The following GIPC1 variants were observed in gnomAD, a reference collection of about 807,000 sequenced individuals.
GIPC1 encodes the protein PDZ domain-containing protein GIPC1.
A neutral mutation model predicts 28.5 loss-of-function variants in GIPC1; 15 were observed. The observed-to-expected ratio is 0.53, with a 90% confidence interval of 0.35 to 0.81. The LOEUF is 0.81. GIPC1 is among the 30% of genes least tolerant of loss of function. GIPC1 has a pLI of 0.01. For missense variants in GIPC1, 439 were observed against 481.9 expected (o/e 0.91, Z 0.83); for synonymous variants, 224 against 206.1 (o/e 1.09, Z -0.74).
rs1228418663 is a variant in GIPC1, at chr19:14,482,754, C to A, written c.223G>T (p.Gly75Cys). The A allele has an allele frequency of 1.2e-6, 2 of 1,611,476 alleles. No homozygotes were observed. Among genetic ancestry groups the A allele is most frequent in the Non-Finnish European group, 1.7e-6 (2 of 1,179,868 alleles). Reference protein sequence around the residue: ...AHGSPTGRIEGFTNVKELYGK... With the variant: ...AHGSPTGRIECFTNVKELYGK... ...TACAGCTCCTTGACGTTGGTGAAGC[C>A]CTCGATGCGGCCAGTGGGACTGCCA... Residue 75 changes from glycine to cysteine, a missense_variant, in exon 4 of 9, where the codon GGC becomes TGC. Coordinates refer to ENST00000393033, the MANE Select transcript of GIPC1 (RefSeq NM_005716.4).
At chr19:14,493,952 C>T (rs1329852894) in intron 1 of GIPC1, among the ~76,000 whole-genome samples, 3 of 150,730 alleles carry the variant, frequency 2.0e-5, no homozygotes, top group Non-Finnish European at 4.4e-5. Context: ...TAAGCCACCA[C>T]GCCTGGCCTA....
chr19:14,493,894 C>T (rs2072022020), intron 1 of GIPC1, among the ~76,000 whole-genome samples: 1 of 151,884 alleles, frequency 6.6e-6, no homozygotes, highest in African/African-American at 2.4e-5. Flanking sequence ...CTCCTGACCT[C>T]AGGTGATCTG....
chr19:14,479,769 G>C, intron 6 of GIPC1: 1 of 423,528 alleles, frequency 2.4e-6, no homozygotes, highest in Non-Finnish European at 4.2e-6. Flanking sequence ...GGGGAGACTG[G>C]AGGGGCCACT....
At chr19:14,483,272 A>T in intron 3 of GIPC1, 1 of 352,172 alleles carries the variant, frequency 2.8e-6, no homozygotes, top group Non-Finnish European at 5.2e-6. Flanking sequence ...CTTGGCCAAC[A>T]TGGTGAAACC....
At chr19:14,495,499 C>T (rs2072057026) in intron 1 of GIPC1, among the ~76,000 whole-genome samples, 1 of 152,074 alleles carries the variant, frequency 6.6e-6, no homozygotes, top group Non-Finnish European at 1.5e-5. Flanking sequence ...GGGTAGGCTG[C>T]CTCACCTTTT....
At chr19:14,481,349 TCCC>T (rs1361801471) in intron 4 of GIPC1, among the ~76,000 whole-genome samples, 2 of 151,966 alleles carry the variant, frequency 1.3e-5, no homozygotes, top group African/African-American at 2.4e-5. Flanking sequence ...GCTCCAGTGA[TCCC>T]CCCATCTCAA....
chr19:14,479,896 T>C, intron 6 of GIPC1: 1 of 393,534 alleles, frequency 2.5e-6, no homozygotes, highest in Non-Finnish European at 4.6e-6. Context: ...AGACCAGCCC[T>C]ACCTGCCCAG....
chr19:14,488,874 T>G (rs2071902884), intron 3 of GIPC1, among the ~76,000 whole-genome samples: 2 of 134,902 alleles, frequency 1.5e-5, no homozygotes, highest in Non-Finnish European at 1.6e-5. Flanking sequence ...GAACAGTGAG[T>G]GAAGGGGGGA....
At chr19:14,484,296 G>A (rs56017458) in intron 3 of GIPC1, among the ~76,000 whole-genome samples, 3 of 151,610 alleles carry the variant, frequency 2.0e-5, no homozygotes, top group South Asian at 2.1e-4. Flanking sequence ...CCACCACACC[G>A]GGGTAATTTC....
intron 6 of GIPC1, 153 bp downstream of exon 6, chr19:14,480,152 T>G: frequency 1.5e-6 from 1 of 652,652 alleles, no homozygotes; most frequent in East Asian, 2.7e-5. Flanking sequence ...GCACCCCGTC[T>G]GGGGTCGGGA....
chr19:14,490,506 C>T (rs2071946401), intron 3 of GIPC1, among the ~76,000 whole-genome samples: 1 of 150,614 alleles, frequency 6.6e-6, no homozygotes, highest in African/African-American at 2.5e-5. Context: ...GGAGAAACCC[C>T]ATCTCTACTA....
At chr19:14,479,060 G>A (rs2071665285) in intron 7 of GIPC1, among the ~76,000 whole-genome samples, 1 of 152,084 alleles carries the variant, frequency 6.6e-6, no homozygotes, top group Non-Finnish European at 1.5e-5. Context: ...AAAAGGAAGG[G>A]AGGGCTGGGC....
intron 3 of GIPC1, among the ~76,000 whole-genome samples, chr19:14,488,065 A>G (rs979169855): frequency 1.3e-5 from 2 of 152,164 alleles, no homozygotes; most frequent in Non-Finnish European, 1.5e-5. Flanking sequence ...GAGCACGTGA[A>G]GCTGAACTTG....
At chr19:14,489,537 T>C (rs771635796) in intron 3 of GIPC1, 11 of 904,168 alleles carry the variant, frequency 1.2e-5, no homozygotes, top group Middle Eastern at 3.3e-4. Context: ...AGATGGCGAC[T>C]AGTGGACAAC....
At position 14,478,503 on chromosome 19, in the gene GIPC1, G is replaced by C. The variant is rs767735611; in HGVS notation, c.915C>G (p.Asp305Glu). Residue 305 changes from aspartate to glutamate, a missense_variant, in exon 9 of 9, where the codon GAC (aspartate) becomes GAG (glutamate). Asp to Glu is a conservative substitution (Grantham distance 45). Transcript: ENST00000393033. This position sits in a 1 kb window ranked among gnomAD's most constrained non-coding sequence, Gnocchi z 5.2. ...GGAAGGCAAAGTCACCCAGCCGTTCGTCCAGGGCCTCGGCCAGCTCATCCG... is the reference window on the plus strand; with the variant it reads ...GGAAGGCAAAGTCACCCAGCCGTTCCTCCAGGGCCTCGGCCAGCTCATCCG... ...RNPDELAEAL[D>E]ERLGDFAFPD... 6.2e-7 allele frequency: 1 copy of C among 1,613,830 alleles called. No individual in the cohort carries two copies. The highest frequency in any genetic ancestry group is 1.3e-5 in the African/African-American group (1 of 74,924).
intron 3 of GIPC1, among the ~76,000 whole-genome samples, chr19:14,485,702 T>TATATATATATATATATATAG (rs1300117748): frequency 6.8e-5 from 4 of 58,788 alleles, no homozygotes; most frequent in African/African-American, 1.1e-4. Context: ...TATATATATA[T>TATATATATATATATATATAG]AGAGAGAGAG....
At chr19:14,484,167 G>A (rs560589648) in intron 3 of GIPC1, among the ~76,000 whole-genome samples, 173 of 132,662 alleles carry the variant, frequency 1.3e-3, no homozygotes, top group African/African-American at 4.5e-3. Context: ...GTCTCACTCC[G>A]TTGCCCAGGC....
intron 3 of GIPC1, among the ~76,000 whole-genome samples, chr19:14,490,371 G>GA (rs1205430321): frequency 4.1e-5 from 6 of 146,902 alleles, no homozygotes; most frequent in Admixed American, 1.4e-4. Flanking sequence ...GTCTCAAAAA[G>GA]AAAAAAAAGA....
At chr19:14,481,254 G>A (rs941392452) in intron 4 of GIPC1, among the ~76,000 whole-genome samples, 2 of 152,068 alleles carry the variant, frequency 1.3e-5, no homozygotes. Context: ...CCACAGACAC[G>A]TGCCACCACA....
Sources: gnomAD v4.1 joint callset for allele counts (sites outside exome capture counted in the v4.1 genomes callset) on GRCh38, gnomAD v4.1.1 for gene constraint, Gnocchi (gnomAD v3.1) non-coding constraint, MANE v1.5 for transcripts, NCBI Gene and HGNC (gene_info 2026-07-23, HGNC 2026-07-21) for gene names.